PDS5B: variants seen among roughly 807,000 people sequenced by gnomAD.
The protein encoded by PDS5B is sister chromatid cohesion protein PDS5 homolog B.
In PDS5B, 51 loss-of-function variants were observed where a neutral mutation model predicts 184.1. The observed-to-expected ratio is 0.28, with a 90% confidence interval of 0.22 to 0.35. The LOEUF (loss-of-function observed/expected upper bound fraction) is 0.35, where lower values mean the gene tolerates loss of function less well. Ranked by LOEUF, PDS5B falls within the 10% of genes least tolerant of loss-of-function variation. The probability of loss-of-function intolerance (pLI) is 1.00; values close to 1 mark genes in which losing one functional copy is unlikely to be tolerated. For missense variants in PDS5B, 1,180 were observed against 1,723.3 expected (o/e 0.68, Z 5.58); for synonymous variants, 566 against 569.2 (o/e 0.99, Z 0.08).
At chr13:32,771,516 A>G (rs1012831514) in intron 33 of PDS5B, among the ~76,000 whole-genome samples, 3 of 73,484 alleles carry the variant, frequency 4.1e-5, no homozygotes, top group African/African-American at 2.4e-4. Context: ...CCACCCATAC[A>G]TAATTACATC....
intron 1 of PDS5B, among the ~76,000 whole-genome samples, chr13:32,629,130 C>T (rs2058417167): frequency 6.6e-6 from 1 of 152,206 alleles, no homozygotes; most frequent in African/African-American, 2.4e-5. Context: ...GAATACCCAT[C>T]ACTCAATTCA....
intron 1 of PDS5B, among the ~76,000 whole-genome samples, chr13:32,620,395 C>T (rs905006134): frequency 2.0e-4 from 31 of 152,116 alleles, no homozygotes; most frequent in African/African-American, 6.5e-4. Context: ...CGGTGGCTCA[C>T]GCCTGTAATC....
At chr13:32,591,843 G>A (rs2057780128) in intron 1 of PDS5B, among the ~76,000 whole-genome samples, 1 of 152,170 alleles carries the variant, frequency 6.6e-6, no homozygotes, top group Admixed American at 6.5e-5. Flanking sequence ...TAAGAGCTAA[G>A]ATGGTCTGAG....
At chr13:32,690,483 A>G (rs533452285) in intron 13 of PDS5B, 6 of 148,358 alleles carry the variant, frequency 4.0e-5, no homozygotes, top group Admixed American at 2.7e-4. Context: ...CATCTTGACT[A>G]ACTATGTTAT....
At chr13:32,595,983 C>T (rs2057860050) in intron 1 of PDS5B, among the ~76,000 whole-genome samples, 1 of 151,988 alleles carries the variant, frequency 6.6e-6, no homozygotes, top group African/African-American at 2.4e-5. Context: ...TGTATATATA[C>T]TAAACATATA....
At chr13:32,702,171 T>G (rs1349240190) in intron 17 of PDS5B, among the ~76,000 whole-genome samples, 3 of 152,156 alleles carry the variant, frequency 2.0e-5, no homozygotes, top group Non-Finnish European at 2.9e-5. Context: ...GATTTTTTCA[T>G]CTTATGCTCA....
chr13:32,590,487 CTCCT>C (rs1738245095), intron 1 of PDS5B, among the ~76,000 whole-genome samples: 1 of 152,146 alleles, frequency 6.6e-6, no homozygotes, highest in Non-Finnish European at 1.5e-5. Context: ...GGAGCAGGCC[CTCCT>C]TCCTTTTCAG....
intron 19 of PDS5B, among the ~76,000 whole-genome samples, chr13:32,711,097 A>T (rs1163760218): frequency 6.6e-6 from 1 of 151,552 alleles, no homozygotes; most frequent in Non-Finnish European, 1.5e-5. Context: ...GGTTCAAGCG[A>T]TTCTCCTGCC....
chr13:32,638,138 A>G (rs1415616781), intron 1 of PDS5B, among the ~76,000 whole-genome samples: 1 of 152,160 alleles, frequency 6.6e-6, no homozygotes, highest in Non-Finnish European at 1.5e-5. Context: ...TTCCACTGGG[A>G]TAGCTTGGAC....
At position 32,775,579 on chromosome 13, in the gene PDS5B, C is replaced by T. The variant is rs1368811555; in HGVS notation, c.*527C>T. 4.5e-6 allele frequency: 2 copies of T among 447,262 alleles called. No homozygotes were observed. The highest frequency in any genetic ancestry group is 8.9e-6 in the Non-Finnish European group (2 of 223,658). The allele number at this position is 447,262 out of a possible 1,614,324, so 27.7% of individuals were successfully genotyped here. A position where few individuals can be genotyped will look rare whatever the true frequency, so the allele number is the denominator to read the frequency against. ...TAAATGGTCTCTTCCCTTTGTGTAT[C>T]TTACCTAGTGTTTACTCCTGGGCAC... On this transcript the variant is annotated 3_prime_UTR_variant, in exon 35 of 35. Coordinates refer to ENST00000315596, the MANE Select transcript of PDS5B (RefSeq NM_015032.4).
At chr13:32,718,395 C>A (rs892641603) in intron 19 of PDS5B, among the ~76,000 whole-genome samples, 2 of 152,188 alleles carry the variant, frequency 1.3e-5, no homozygotes, top group East Asian at 3.8e-4. Flanking sequence ...TGTGATCCGC[C>A]TGCCTCGGCC....
At chr13:32,721,506 C>T (rs867280393) in intron 19 of PDS5B, among the ~76,000 whole-genome samples, 6 of 144,574 alleles carry the variant, frequency 4.2e-5, no homozygotes, top group African/African-American at 7.8e-5. Flanking sequence ...CGGGCAGAGG[C>T]GCTCCTCACT....
intron 1 of PDS5B, among the ~76,000 whole-genome samples, chr13:32,615,208 C>G (rs968291339): frequency 3.9e-5 from 6 of 152,138 alleles, no homozygotes; most frequent in Admixed American, 2.6e-4. Flanking sequence ...TTTGTTGTAT[C>G]TGACTTATTT....
rs185431894 is a variant in PDS5B, at chr13:32,775,271, T to A, written c.*219T>A. The A allele has an allele frequency of 5.2e-5, 29 of 562,186 alleles. No homozygotes were observed. The East Asian group carries it at 8.4e-4, about 16-fold the overall frequency. 34.8% of individuals were successfully genotyped at this position (562,186 alleles called of 1,614,324 possible). Reference sequence around the variant, plus strand: ...TATGGAGTCTTGTGAAAGTGTAATGTGCGATGGCTATGTAGACATAAAGAA... The same window carrying A: ...TATGGAGTCTTGTGAAAGTGTAATGAGCGATGGCTATGTAGACATAAAGAA... On this transcript the variant is annotated 3_prime_UTR_variant, in exon 35 of 35. Coordinates refer to ENST00000315596, the MANE Select transcript of PDS5B (RefSeq NM_015032.4).
intron 14 of PDS5B, 22 bp from the exon 15 acceptor site, chr13:32,696,832 C>G: frequency 6.3e-7 from 1 of 1,578,176 alleles, no homozygotes; most frequent in Non-Finnish European, 8.7e-7. Context: ...TTTAATTTTG[C>G]ATTTTTTTGT....
At chr13:32,661,385 CAAAAAAAAAA>C (rs747985772) in intron 6 of PDS5B, among the ~76,000 whole-genome samples, 8 of 32,016 alleles carry the variant, frequency 2.5e-4, no homozygotes, top group Admixed American at 5.6e-4. Context: ...GACTCTGTCT[CAAAAAAAAAA>C]AAAAAAAAAA....
At chr13:32,655,649 G>A (rs575483456) in intron 3 of PDS5B, among the ~76,000 whole-genome samples, 1 of 151,806 alleles carries the variant, frequency 6.6e-6, no homozygotes, top group Non-Finnish European at 1.5e-5. Context: ...GGGATTACAG[G>A]CATGAGCCAC....
intron 1 of PDS5B, among the ~76,000 whole-genome samples, chr13:32,640,805 A>G (rs2058648028): frequency 6.8e-6 from 1 of 148,126 alleles, no homozygotes; most frequent in Non-Finnish European, 1.5e-5. Context: ...CTGTAATCCC[A>G]GCACTTTGGG....
In PDS5B at chr13:32,655,135, A is replaced by G. The variant is rs367587236; in HGVS notation, c.313-3104A>G. ...TTCCACAATGGCTGAACTAATTTAT[A>G]TTCCCACCAGTGATGTATCAGCACT... On this transcript the variant is annotated intron_variant, in intron 3 of 34. Coordinates refer to ENST00000315596, the MANE Select transcript of PDS5B (RefSeq NM_015032.4). 4.0e-5 allele frequency among the ~76,000 whole-genome samples: 6 copies of G among 151,308 alleles called. No homozygotes were observed. In the East Asian group the frequency reaches 1.2e-3, roughly 29 times the overall value.
Sources: gnomAD v4.1 joint callset for allele counts (sites outside exome capture counted in the v4.1 genomes callset) on GRCh38, gnomAD v4.1.1 for gene constraint, MANE v1.5 for transcripts, NCBI Gene and HGNC (gene_info 2026-07-23, HGNC 2026-07-21) for gene names.